FHOD3: variants seen among roughly 807,000 people sequenced by gnomAD.
FHOD3 encodes the protein FH1/FH2 domain-containing protein 3.
Under a neutral mutation model 173.0 loss-of-function variants are expected in FHOD3, and 90 were observed. That is an observed-to-expected ratio of 0.52 (90% confidence interval 0.44 to 0.62). FHOD3 has a LOEUF of 0.62. Among genes scored for constraint, FHOD3 ranks in the 20% least tolerant of loss-of-function variants. FHOD3 has a pLI of 0.00. For synonymous variants in FHOD3, 828 were observed against 823.0 expected, an observed-to-expected ratio of 1.01 and a Z score of -0.10; for missense variants, 1,945 against 2,034.7, an observed-to-expected ratio of 0.96 and a Z score of 0.85.
At chr18:36,589,544 T>C (rs17566463) in intron 6 of FHOD3, among the ~76,000 whole-genome samples, 4 of 152,112 alleles carry the variant, frequency 2.6e-5, no homozygotes, top group Admixed American at 1.3e-4. Flanking sequence ...AAGAAAGCTC[T>C]CTGTTTGCAT....
At chr18:36,335,783 G>T in intron 1 of FHOD3, among the ~76,000 whole-genome samples, 1 of 152,164 alleles carries the variant, frequency 6.6e-6, no homozygotes, top group East Asian at 1.9e-4. Flanking sequence ...AAACTTGGGT[G>T]CCCCTGTGCT....
intron 5 of FHOD3, among the ~76,000 whole-genome samples, chr18:36,533,960 A>G (rs766167568): frequency 6.6e-6 from 1 of 152,174 alleles, no homozygotes; most frequent in African/African-American, 2.4e-5. Context: ...CTTCCCATCC[A>G]TGGCTCCTTC....
At chr18:36,515,842 T>C (rs928417759) in intron 5 of FHOD3, among the ~76,000 whole-genome samples, 11 of 152,216 alleles carry the variant, frequency 7.2e-5, no homozygotes, top group Non-Finnish European at 1.2e-4. Flanking sequence ...AGCACTCCAC[T>C]CAGGCTACTG....
intron 20 of FHOD3, among the ~76,000 whole-genome samples, chr18:36,736,506 A>G: frequency 6.6e-6 from 1 of 152,220 alleles, no homozygotes; most frequent in Non-Finnish European, 1.5e-5. Flanking sequence ...GCTCTCAGCA[A>G]GAAGGAGAGC....
intron 3 of FHOD3, among the ~76,000 whole-genome samples, chr18:36,380,896 C>A (rs185209721): frequency 8.5e-5 from 13 of 152,162 alleles, no homozygotes; most frequent in Admixed American, 8.5e-4. Flanking sequence ...GAGCCCTTGC[C>A]ACCCCTCCTG....
chr18:36,429,533 C>G (rs1403367018), intron 3 of FHOD3, among the ~76,000 whole-genome samples: 3 of 152,158 alleles, frequency 2.0e-5, no homozygotes, highest in East Asian at 3.9e-4. Context: ...TTGCCACATG[C>G]GAACTTCATT....
rs1315544544 is a variant in FHOD3 at position 36,742,859 on chromosome 18, A to G, written c.3879+3A>G. 2 of 1,610,224 alleles carry G rather than the reference A, an allele frequency of 1.2e-6. No homozygotes were observed. Among genetic ancestry groups the G allele is most frequent in the Non-Finnish European group, 8.5e-7 (1 of 1,178,816 alleles). ...GGAACTTTCTAAATGGAACTAATGT[A>G]AGTCATCCCCATCCCTCATCCTGTA... On this transcript the variant is annotated splice_donor_region_variant and intron_variant, in intron 22 of 28. Transcript: ENST00000590592.
chr18:36,601,868 G>A (rs1022570907), intron 7 of FHOD3, among the ~76,000 whole-genome samples: 1 of 152,080 alleles, frequency 6.6e-6, no homozygotes, highest in East Asian at 1.9e-4. Context: ...TTGGCTTAGT[G>A]GTCCTGAATG....
intron 6 of FHOD3, among the ~76,000 whole-genome samples, chr18:36,587,892 C>G (rs1335958877): frequency 6.6e-6 from 1 of 152,192 alleles, no homozygotes; most frequent in East Asian, 1.9e-4. Context: ...TAGCAAAATC[C>G]TAAGGGCTAC....
At chr18:36,384,149 C>A (rs561053967) in intron 3 of FHOD3, among the ~76,000 whole-genome samples, 11 of 152,108 alleles carry the variant, frequency 7.2e-5, no homozygotes, top group African/African-American at 2.6e-4. Flanking sequence ...ACACCTGTAA[C>A]CCCAGCACTT....
At chr18:36,446,530 G>C (rs2051487491) in intron 3 of FHOD3, among the ~76,000 whole-genome samples, 1 of 151,938 alleles carries the variant, frequency 6.6e-6, no homozygotes. Flanking sequence ...ACATGTCCCA[G>C]ATTGAACCCT....
At chr18:36,432,497 A>G (rs902738551) in intron 3 of FHOD3, among the ~76,000 whole-genome samples, 9 of 152,122 alleles carry the variant, frequency 5.9e-5, no homozygotes, top group African/African-American at 2.4e-5. Context: ...TTAATCTCAC[A>G]TGGAGGAGGG....
At chr18:36,555,845 A>G (rs1011768711) in intron 5 of FHOD3, among the ~76,000 whole-genome samples, 1 of 152,156 alleles carries the variant, frequency 6.6e-6, no homozygotes, top group African/African-American at 2.4e-5. Context: ...GCCTGGTATT[A>G]ATACAGTCAT....
chr18:36,457,630 C>T (rs897386119), intron 3 of FHOD3, among the ~76,000 whole-genome samples: 1 of 152,164 alleles, frequency 6.6e-6, no homozygotes, highest in Admixed American at 6.5e-5. Flanking sequence ...CCAATCTTGC[C>T]TGATGGTATT....
intron 3 of FHOD3, among the ~76,000 whole-genome samples, chr18:36,422,614 C>T (rs912299658): frequency 1.3e-5 from 2 of 152,146 alleles, no homozygotes; most frequent in Non-Finnish European, 2.9e-5. Context: ...AATTTGCAGC[C>T]GATCAATGTG....
chr18:36,363,502 G>A (rs1035557915), intron 2 of FHOD3, among the ~76,000 whole-genome samples: 5 of 152,166 alleles, frequency 3.3e-5, no homozygotes, highest in African/African-American at 9.7e-5. Flanking sequence ...AAAAGACATG[G>A]GGGAACCTTA....
intron 5 of FHOD3, among the ~76,000 whole-genome samples, chr18:36,561,263 G>A (rs754616212): frequency 6.6e-6 from 1 of 152,174 alleles, no homozygotes; most frequent in African/African-American, 2.4e-5. Flanking sequence ...TAATGAACAC[G>A]TAATTACAGC....
intron 3 of FHOD3, among the ~76,000 whole-genome samples, chr18:36,463,443 A>ATAT: frequency 2.2e-5 from 1 of 44,848 alleles, no homozygotes; most frequent in Non-Finnish European, 7.1e-5. Context: ...TAAAAAATAT[A>ATAT]TTTTTTATTT....
At chr18:36,528,792 C>T (rs1247087349) in intron 5 of FHOD3, among the ~76,000 whole-genome samples, 2 of 152,212 alleles carry the variant, frequency 1.3e-5, no homozygotes, top group African/African-American at 2.4e-5. Context: ...GAGTGCTGAA[C>T]GACGTTCGTT....
Sources: allele counts gnomAD v4.1 joint callset (sites outside exome capture counted in the v4.1 genomes callset), GRCh38; gene constraint gnomAD v4.1.1; transcripts MANE v1.5; gene names NCBI Gene and HGNC (gene_info 2026-07-23, HGNC 2026-07-21).